Variants in C5orf34 observed in about 807,000 individuals in gnomAD.
C5orf34 encodes the protein uncharacterized protein C5orf34.
A neutral mutation model predicts 78.4 loss-of-function variants in C5orf34; 73 were observed. The ratio of observed to expected loss-of-function variants is 0.93; its 90% CI spans 0.77 to 1.13. The LOEUF is 1.13. Among genes scored for constraint, C5orf34 ranks in the 50% most tolerant of loss-of-function variants. C5orf34 has a pLI of 0.00. For missense variants in C5orf34, 730 were observed against 732.7 expected (o/e 1.00, Z 0.04); for synonymous variants, 251 against 246.6 (o/e 1.02, Z -0.17).
chr5:43,491,654 A>G (rs1745283690), intron 10 of C5orf34, among the ~76,000 whole-genome samples: 1 of 152,234 alleles, frequency 6.6e-6, no homozygotes, highest in Non-Finnish European at 1.5e-5. Flanking sequence ...GCAAATCAGT[A>G]TGTCTATAAC....
In C5orf34 at chr5:43,506,231, T is replaced by G; in HGVS notation, c.449A>C (p.Lys150Thr). Reference sequence around the variant, plus strand: ...AGATGAGTCTGACTTCTGGCTAACTTTACACAAAAAATGTACTGTAAATTC... The same window carrying G: ...AGATGAGTCTGACTTCTGGCTAACTGTACACAAAAAATGTACTGTAAATTC... ...QHEFTVHFLC[K>T]VSQKSDSSAV... is the part of the protein sequence containing the mutation. The change falls in exon 4 of 13, where the codon AAA (lysine) becomes ACA (threonine). Residue 150 changes from lysine to threonine, a missense_variant. Coordinates refer to ENST00000306862, the MANE Select transcript of C5orf34 (RefSeq NM_198566.4). 2.5e-6 allele frequency: 4 copies of G among 1,614,176 alleles called. No individual in the cohort carries two copies. In the South Asian group the frequency reaches 4.4e-5, roughly 18 times the overall value.
At position 43,509,689 on chromosome 5, in the gene C5orf34, G is replaced by C. The variant is rs140753339; in HGVS notation, c.-36-314C>G. 4.7e-3 allele frequency among the ~76,000 whole-genome samples: 719 copies of C among 152,002 alleles called. 5 individuals carry two copies. The highest frequency in any genetic ancestry group is 0.016 in the African/African-American group (647 of 41,470). ...TAAATTATATGCTTATTATTTAGAA[G>C]CTTATAACTTCTAGAAGTTTACTCC... On this transcript the variant is annotated intron_variant, in intron 1 of 12. Coordinates refer to ENST00000306862, the MANE Select transcript of C5orf34 (RefSeq NM_198566.4).
At position 43,508,596 on chromosome 5, in the gene C5orf34, A is replaced by T; in HGVS notation, c.266T>A (p.Ile89Lys). The change falls in exon 3 of 13, where the codon ATA becomes AAA. Residue 89 changes from isoleucine (I) to lysine (K), a missense_variant. Transcript: ENST00000306862. ...AATCACCTTTTTTCTTTCAGAAGGTATGATGGTTTCAGATAAAAAAGGGCA... is the reference window on the plus strand; with the variant it reads ...AATCACCTTTTTTCTTTCAGAAGGTTTGATGGTTTCAGATAAAAAAGGGCA... The part of the protein sequence containing the change: ...ATCPFLSETI[I>K]PSERKKHIFI... 1.2e-6 allele frequency: 2 copies of T among 1,605,402 alleles called. No homozygotes were observed.
intron 6 of C5orf34, among the ~76,000 whole-genome samples, chr5:43,501,430 G>C (rs1745755341): frequency 2.0e-5 from 3 of 152,152 alleles, no homozygotes; most frequent in Admixed American, 2.0e-4. Context: ...CTGCCAAAGA[G>C]TTACTGTTCA....
chr5:43,500,858 C>T (rs1745728589), intron 6 of C5orf34, among the ~76,000 whole-genome samples: 1 of 152,156 alleles, frequency 6.6e-6, no homozygotes, highest in South Asian at 2.1e-4. Context: ...AGTTTGGTTT[C>T]TTACATTTAG....
chr5:43,490,398 A>G (rs1745231056), intron 11 of C5orf34: 1 of 306,112 alleles, frequency 3.3e-6, no homozygotes, highest in Non-Finnish European at 6.0e-6. Context: ...TAAGTTTTCA[A>G]TGCAAGGTTT....
chr5:43,497,742 C>A (rs1745598915), intron 6 of C5orf34, among the ~76,000 whole-genome samples: 1 of 152,212 alleles, frequency 6.6e-6, no homozygotes, highest in Non-Finnish European at 1.5e-5. Context: ...AGTCTTTGTC[C>A]TTTTATCTTG....
At chr5:43,512,473 T>C (rs1483335576) in intron 1 of C5orf34, among the ~76,000 whole-genome samples, 2 of 152,236 alleles carry the variant, frequency 1.3e-5, no homozygotes, top group Non-Finnish European at 2.9e-5. Flanking sequence ...TGTTTCGCAA[T>C]GGTCGCCAAT....
At chr5:43,506,486 C>T (rs1745992733) in intron 3 of C5orf34, 92 bp from the exon 4 acceptor site, 1 of 1,283,404 alleles carries the variant, frequency 7.8e-7, no homozygotes, top group Non-Finnish European at 1.0e-6. Context: ...TGTAAGAAAG[C>T]TCTTAAATAT....
Position 43,490,709 on chromosome 5 carries a change from G to GT in C5orf34, c.1600_1601insA (p.Ser534TyrfsTer10). 6.2e-7 allele frequency: 1 copy of GT among 1,601,046 alleles called. No individual in the cohort carries two copies. The highest frequency in any genetic ancestry group is 1.3e-5 in the African/African-American group (1 of 74,742). On this transcript the variant is annotated frameshift_variant, in exon 11 of 13. Transcript: ENST00000306862. LOFTEE classifies it high-confidence loss of function. ...AGTCTGGGTCAGTCTCCTGCACCAT[G>GT]ATGTTACTGTTGTCACATATCTAAA...
chr5:43,487,537 A>G (rs1454523956), intron 12 of C5orf34, among the ~76,000 whole-genome samples: 1 of 152,166 alleles, frequency 6.6e-6, no homozygotes, highest in Non-Finnish European at 1.5e-5. Flanking sequence ...GAGAAAAACC[A>G]CAAGAGAAAA....
rs377634174 is a variant in C5orf34 at position 43,510,011 on chromosome 5, C to A, written c.-36-636G>T. Among the ~76,000 whole-genome samples, 24 of 152,196 alleles carry A rather than the reference C, an allele frequency of 1.6e-4. No individual in the cohort carries two copies. In the East Asian group the frequency reaches 2.7e-3, roughly 17 times the overall value. ...CTTGAGATCTGCCTGCCTCAGCCTC[C>A]CAAAGTGCTGGCATTACAGACATGA... On this transcript the variant is annotated intron_variant, in intron 1 of 12. Transcript: ENST00000306862.
intron 1 of C5orf34, among the ~76,000 whole-genome samples, chr5:43,513,044 A>G (rs1481338393): frequency 6.6e-6 from 1 of 151,348 alleles, no homozygotes; most frequent in East Asian, 2.0e-4. Context: ...GGCCTCCCAA[A>G]GTGCTGGGAT....
Position 43,502,506 on chromosome 5 carries a change from G to A in C5orf34, c.1029-11C>T, listed in dbSNP as rs1258017315. The A allele has an allele frequency of 6.7e-7, 1 of 1,500,322 alleles. No homozygotes were observed. Among genetic ancestry groups the A allele is most frequent in the African/African-American group, 1.4e-5 (1 of 70,634 alleles). The allele number at this position is 1,500,322 out of a possible 1,614,324, so 92.9% of individuals were successfully genotyped here. On this transcript the variant is annotated splice_polypyrimidine_tract_variant and intron_variant, in intron 5 of 12. Coordinates refer to ENST00000306862, the MANE Select transcript of C5orf34 (RefSeq NM_198566.4). ...TTTTGATGGGTAAGTCTAAGAAATA[G>A]AAATAACCATTAAAAATTTTTTTCC...
At chr5:43,487,980 G>A (rs1411384551) in intron 11 of C5orf34, 31 bp from the exon 12 acceptor site, 1 of 1,568,566 alleles carries the variant, frequency 6.4e-7, no homozygotes, top group East Asian at 2.3e-5. Context: ...AATTCATTCA[G>A]TTGTCTGATT....
Position 43,494,507 on chromosome 5 carries a change from T to TA in C5orf34, c.1244+2dup, listed in dbSNP as rs764705867. 61 of 1,590,352 alleles carry TA rather than the reference T, an allele frequency of 3.8e-5. No individual in the cohort carries two copies. The African/African-American group carries it at 7.2e-4, about 19-fold the overall frequency. On this transcript the variant is annotated splice_region_variant and intron_variant, in intron 7 of 12. Transcript: ENST00000306862. ...TTGATTCAATTGAATGGGAAGAACT[T>TA]ACCTTGTTGCCTGTTTAATTAGAGA...
chr5:43,505,645 AG>A, intron 4 of C5orf34, 102 bp downstream of exon 4: 5 of 1,255,158 alleles, frequency 4.0e-6, no homozygotes, highest in Non-Finnish European at 5.4e-6. Context: ...ATTTTGGATG[AG>A]ATAAACTTTC....
intron 3 of C5orf34, 51 bp from the exon 4 acceptor site, chr5:43,506,445 A>T: frequency 5.4e-6 from 8 of 1,487,174 alleles, no homozygotes; most frequent in Non-Finnish European, 7.2e-6. Flanking sequence ...TAACAGTCCA[A>T]TTTTTCCATA....
At position 43,492,357 on chromosome 5, in the gene C5orf34, G is replaced by A. The variant is rs1020186298; in HGVS notation, c.1486-48C>T. Reference sequence around the variant, plus strand: ...TTTATCATTTTAGAACTGAAAAAAAGAACATAAACAACCTATTCTAACTTC... The same window carrying A: ...TTTATCATTTTAGAACTGAAAAAAAAAACATAAACAACCTATTCTAACTTC... On this transcript the variant is annotated intron_variant, in intron 9 of 12. Transcript: ENST00000306862. The A allele has an allele frequency of 3.3e-6, 4 of 1,217,518 alleles. No homozygotes were observed. The Admixed American group carries it at 6.0e-5, about 18-fold the overall frequency. 75.4% of individuals were successfully genotyped at this position (1,217,518 alleles called of 1,614,324 possible).
Sources: gnomAD v4.1 joint callset for allele counts (sites outside exome capture counted in the v4.1 genomes callset) on GRCh38, gnomAD v4.1.1 for gene constraint, MANE v1.5 for transcripts, NCBI Gene and HGNC (gene_info 2026-07-23, HGNC 2026-07-21) for gene names.